The following KLHL18 variants were observed in gnomAD, a reference collection of about 807,000 sequenced individuals.
The protein encoded by KLHL18 is kelch like family member 18, also known as kelch-like protein 18.
In KLHL18, 38 loss-of-function variants were observed where a neutral mutation model predicts 58.5. That is an observed-to-expected ratio of 0.65 (90% CI 0.50 to 0.85). The LOEUF is 0.85. Among genes scored for constraint, KLHL18 ranks in the 40% least tolerant of loss-of-function variants. KLHL18 has a pLI of 0.00. For missense variants in KLHL18, 624 were observed against 778.4 expected (o/e 0.80, Z 2.36); for synonymous variants, 303 against 301.9 (o/e 1.00, Z -0.04).
rs559967706 is a variant in KLHL18 at position 47,334,187 on chromosome 3, G to T, written c.762-496G>T. 1.4e-4 allele frequency among the ~76,000 whole-genome samples: 22 copies of T among 152,256 alleles called. No homozygotes were observed. The highest frequency in any genetic ancestry group is 5.3e-4 in the African/African-American group (22 of 41,534). On this transcript the variant is annotated intron_variant, in intron 5 of 9. Coordinates refer to ENST00000232766, the MANE Select transcript of KLHL18 (RefSeq NM_025010.5). The surrounding 1 kb of genome is among the most constrained non-coding windows in gnomAD (Gnocchi z 4.7). ...TGTTGAGGAGTTTGGACTTTATTCT[G>T]TCGGCAGTGGGTGGCTATTGAAGGT...
At chr3:47,300,514 G>T (rs552937012) in intron 1 of KLHL18, among the ~76,000 whole-genome samples, 5 of 150,162 alleles carry the variant, frequency 3.3e-5, no homozygotes, top group Non-Finnish European at 4.4e-5. Context: ...GACCAGCTGG[G>T]ATTAGAAGCA....
intron 1 of KLHL18, among the ~76,000 whole-genome samples, chr3:47,295,315 G>A (rs561778141): frequency 6.6e-6 from 1 of 152,224 alleles, no homozygotes. Flanking sequence ...TTGATATTCA[G>A]AGTCCTGCAG....
At chr3:47,323,094 C>CT (rs199584043) in intron 3 of KLHL18, among the ~76,000 whole-genome samples, 55 of 146,424 alleles carry the variant, frequency 3.8e-4, no homozygotes, top group Admixed American at 6.8e-4. Context: ...CTTTTCTTTT[C>CT]TTTTTTTTTT....
At chr3:47,298,100 C>A (rs1702933796) in intron 1 of KLHL18, among the ~76,000 whole-genome samples, 1 of 151,866 alleles carries the variant, frequency 6.6e-6, no homozygotes, top group Non-Finnish European at 1.5e-5. Flanking sequence ...TGGATGGGGG[C>A]CAGGTGCAGC....
In KLHL18 at chr3:47,334,701, A is replaced by G. The variant is rs765331028; in HGVS notation, c.780A>G (p.Ala260=). The change falls in exon 6 of 10, where the codon GCA becomes GCG. Residue 260 remains alanine, a synonymous_variant. Transcript: ENST00000232766. This position sits in a 1 kb window ranked among gnomAD's most constrained non-coding sequence, Gnocchi z 4.7. ...CHKCRDLVDE[A]KDYHLMPERR... ...ATTCTAGGGACCTGGTAGACGAAGC[A>G]AAGGACTACCACCTCATGCCAGAGC... The G allele has an allele frequency of 6.2e-7, 1 of 1,614,186 alleles. No individual in the cohort carries two copies.
chr3:47,322,035 G>A (rs529216784), intron 2 of KLHL18, among the ~76,000 whole-genome samples: 17 of 152,302 alleles, frequency 1.1e-4, no homozygotes, highest in Admixed American at 9.2e-4. Flanking sequence ...CATTTTCAGT[G>A]TGAATTGAAA....
intron 1 of KLHL18, among the ~76,000 whole-genome samples, chr3:47,315,190 T>C (rs1382689541): frequency 6.6e-6 from 1 of 152,070 alleles, no homozygotes; most frequent in Non-Finnish European, 1.5e-5. Context: ...TGAAAGTGCC[T>C]CCCGGGGGAG....
chr3:47,313,913 C>CCTA (rs1703364105), intron 1 of KLHL18, among the ~76,000 whole-genome samples: 1 of 152,246 alleles, frequency 6.6e-6, no homozygotes, highest in South Asian at 2.1e-4. Flanking sequence ...ACAGTAGCTG[C>CCTA]CTACTGCAGA....
chr3:47,325,269 C>T (rs1459614665), intron 3 of KLHL18, among the ~76,000 whole-genome samples: 2 of 152,084 alleles, frequency 1.3e-5, no homozygotes, highest in Non-Finnish European at 2.9e-5. Context: ...GCGATCTTGG[C>T]TCACTGCAAG....
Position 47,283,059 on chromosome 3 carries a change from C to T in KLHL18, c.94C>T (p.Arg32Trp), listed in dbSNP as rs866925615. The change falls in exon 1 of 10, where the codon CGG becomes TGG. Residue 32 changes from arginine (R) to tryptophan (W), a missense_variant. Coordinates refer to ENST00000232766, the MANE Select transcript of KLHL18 (RefSeq NM_025010.5). The part of the protein sequence containing the change: ...SRGYGVMEEI[R>W]RQGKLCDVTL... Reference sequence around the variant, plus strand: ...CGGCTACGGCGTCATGGAGGAGATCCGGCGGCAGGGCAAGCTGTGCGACGT... The same window carrying T: ...CGGCTACGGCGTCATGGAGGAGATCTGGCGGCAGGGCAAGCTGTGCGACGT... 6.3e-6 allele frequency: 10 copies of T among 1,594,924 alleles called. No homozygotes were observed. The highest frequency in any genetic ancestry group is 8.5e-6 in the Non-Finnish European group (10 of 1,171,174).
At position 47,334,757 on chromosome 3, in the gene KLHL18, G is replaced by C; in HGVS notation, c.836G>C (p.Arg279Pro). Residue 279 changes from arginine to proline, a missense_variant, in exon 6 of 10, where the codon CGG (arginine) becomes CCG (proline). Coordinates refer to ENST00000232766, the MANE Select transcript of KLHL18 (RefSeq NM_025010.5). This position sits in a 1 kb window ranked among gnomAD's most constrained non-coding sequence, Gnocchi z 4.7. The stretch of plus-strand genomic sequence containing the variant: ...CCCCACCTGCCAGCTTTCAGAACCC[G>C]GCCACGCTGCTGCACATCCATCGCT... ...RRPHLPAFRT[R>P]PRCCTSIAGL... The C allele has an allele frequency of 6.2e-7, 1 of 1,614,114 alleles. No homozygotes were observed. The highest frequency in any genetic ancestry group is 8.5e-7 in the Non-Finnish European group (1 of 1,180,008).
chr3:47,300,305 A>ATGTG (rs1402257141), intron 1 of KLHL18, among the ~76,000 whole-genome samples: 1 of 146,336 alleles, frequency 6.8e-6, no homozygotes, highest in Non-Finnish European at 1.5e-5. Context: ...ATATATATAT[A>ATGTG]TATATGTGTG....
chr3:47,310,212 T>C (rs1703266065), intron 1 of KLHL18, among the ~76,000 whole-genome samples: 1 of 152,196 alleles, frequency 6.6e-6, no homozygotes, highest in South Asian at 2.1e-4. Context: ...CTGCCTGTGG[T>C]AGGGAACAGA....
chr3:47,342,623 G>A (rs2107667187), intron 8 of KLHL18, 96 bp from the exon 9 acceptor site: 1 of 923,136 alleles, frequency 1.1e-6, no homozygotes, highest in Non-Finnish European at 1.7e-6. Flanking sequence ...ATGGAGAGAT[G>A]GCCAGCACAG....
chr3:47,315,270 T>G (rs1703393406), intron 1 of KLHL18, among the ~76,000 whole-genome samples: 1 of 152,090 alleles, frequency 6.6e-6, no homozygotes, highest in African/African-American at 2.4e-5. Flanking sequence ...CACCAAATAC[T>G]GAAAACAGGA....
At chr3:47,340,711 T>C in intron 8 of KLHL18, 35 bp downstream of exon 8, 1 of 1,611,306 alleles carries the variant, frequency 6.2e-7, no homozygotes, top group Non-Finnish European at 8.5e-7. Flanking sequence ...CAACTGGAGC[T>C]TATAAACAGA....
intron 4 of KLHL18, among the ~76,000 whole-genome samples, chr3:47,330,863 C>T (rs1703840935): frequency 6.6e-6 from 1 of 151,934 alleles, no homozygotes; most frequent in Non-Finnish European, 1.5e-5. Flanking sequence ...CCTTGAGTAG[C>T]TGGGATTACA....
intron 1 of KLHL18, among the ~76,000 whole-genome samples, chr3:47,286,998 T>C (rs1033464414): frequency 6.6e-6 from 1 of 152,232 alleles, no homozygotes; most frequent in Non-Finnish European, 1.5e-5. Flanking sequence ...ACTTCCTGAT[T>C]TCGGCCCTTC....
rs746642065 is a variant in KLHL18, at chr3:47,317,190, G to T, written c.130-2463G>T. ...TGCAGTGGTACGGTGTCTGCTCACC[G>T]CAACCTCCGCCTCCCAGGTTCAAGT... On this transcript the variant is annotated intron_variant, in intron 1 of 9. Transcript: ENST00000232766. Among the ~76,000 whole-genome samples the T allele has an allele frequency of 5.3e-5, 8 of 152,162 alleles. No homozygotes were observed. The South Asian group carries it at 1.7e-3, about 32-fold the overall frequency.
Sources: gnomAD v4.1 joint callset for allele counts (sites outside exome capture counted in the v4.1 genomes callset) on GRCh38, gnomAD v4.1.1 for gene constraint, Gnocchi (gnomAD v3.1) non-coding constraint, MANE v1.5 for transcripts, NCBI Gene and HGNC (gene_info 2026-07-23, HGNC 2026-07-21) for gene names.